RALGAPA1: variants seen among roughly 807,000 people sequenced by gnomAD.
The protein encoded by RALGAPA1 is Ral GTPase activating protein catalytic subunit alpha 1.
RALGAPA1 carries 52 observed loss-of-function variants against 269.6 expected under a neutral mutation model. That is an observed-to-expected ratio of 0.19 (90% CI 0.15 to 0.24). RALGAPA1 has a LOEUF of 0.24. RALGAPA1 is among the 10% of genes least tolerant of loss of function. RALGAPA1 has a pLI of 1.00. For synonymous variants in RALGAPA1, 817 were observed against 1,008.3 expected, an observed-to-expected ratio of 0.81 and a Z score of 3.60; for missense variants, 1,917 against 3,013.9, an observed-to-expected ratio of 0.64 and a Z score of 8.52.
chr14:35,690,672 A>C (rs1316456553), intron 17 of RALGAPA1, among the ~76,000 whole-genome samples: 5 of 152,208 alleles, frequency 3.3e-5, no homozygotes, highest in Admixed American at 6.5e-5. Flanking sequence ...CAAAAACACC[A>C]CTTAAATCTG....
At chr14:35,752,202 A>G in intron 7 of RALGAPA1, 40 bp from the exon 8 acceptor site, 1 of 1,456,452 alleles carries the variant, frequency 6.9e-7, no homozygotes, top group Non-Finnish European at 9.1e-7. Context: ...TCCAGAAGAA[A>G]GAATCTCTTA....
At chr14:35,558,962 C>T (rs1426609074) in intron 39 of RALGAPA1, among the ~76,000 whole-genome samples, 1 of 152,022 alleles carries the variant, frequency 6.6e-6, no homozygotes, top group Non-Finnish European at 1.5e-5. Flanking sequence ...CCTGATGGCC[C>T]CAAAGGTTTA....
chr14:35,807,289 A>T (rs2077445113), intron 1 of RALGAPA1, among the ~76,000 whole-genome samples: 1 of 152,156 alleles, frequency 6.6e-6, no homozygotes, highest in Non-Finnish European at 1.5e-5. Context: ...TTCTCGGCTA[A>T]ATCTTTATTT....
At chr14:35,801,716 C>G (rs988732080) in intron 1 of RALGAPA1, among the ~76,000 whole-genome samples, 3 of 151,990 alleles carry the variant, frequency 2.0e-5, no homozygotes, top group African/African-American at 7.3e-5. Context: ...TGATAGAAAC[C>G]CTCAGCCAAC....
At chr14:35,741,784 A>G (rs2071576343) in intron 11 of RALGAPA1, among the ~76,000 whole-genome samples, 1 of 152,210 alleles carries the variant, frequency 6.6e-6, no homozygotes, top group Admixed American at 6.5e-5. Context: ...GAATAAATGG[A>G]ACCCCAGGAA....
At chr14:35,797,008 C>T (rs1452404708) in intron 1 of RALGAPA1, among the ~76,000 whole-genome samples, 1 of 151,912 alleles carries the variant, frequency 6.6e-6, no homozygotes, top group Non-Finnish European at 1.5e-5. Context: ...AGGATGGTCT[C>T]GATCTCCTGA....
intron 11 of RALGAPA1, among the ~76,000 whole-genome samples, chr14:35,741,579 T>G (rs775798880): frequency 4.8e-4 from 73 of 152,154 alleles, no homozygotes; most frequent in Non-Finnish European, 7.8e-4. Context: ...GATTAACCAC[T>G]AAAGTGAATA....
intron 16 of RALGAPA1, among the ~76,000 whole-genome samples, chr14:35,701,189 A>C (rs567575963): frequency 6.6e-6 from 1 of 152,348 alleles, no homozygotes; most frequent in East Asian, 1.9e-4. Context: ...TACTCTTCCC[A>C]GAGATTTTTA....
intron 16 of RALGAPA1, among the ~76,000 whole-genome samples, chr14:35,720,191 C>G (rs1244392508): frequency 6.6e-6 from 1 of 152,132 alleles, no homozygotes; most frequent in African/African-American, 2.4e-5. Context: ...CATTTTAATA[C>G]TACAATAACT....
At chr14:35,722,814 T>G (rs1217661738) in intron 15 of RALGAPA1, among the ~76,000 whole-genome samples, 1 of 152,158 alleles carries the variant, frequency 6.6e-6, no homozygotes, top group Non-Finnish European at 1.5e-5. Context: ...ACATTTTAAA[T>G]AGAGTAACAT....
Position 35,748,644 on chromosome 14 carries a change from G to C in RALGAPA1, c.1192C>G (p.Arg398Gly), listed in dbSNP as rs368011492. Residue 398 changes from arginine (R) to glycine (G), a missense_variant, in exon 10 of 42, where the codon CGC (arginine) becomes GGC (glycine). By Grantham distance (125) the Arg-to-Gly change is moderately radical. Transcript: ENST00000680220. ...CTCCTTTTAGAAGAAAAAACTCTGCGAACTATTTCAATGTCTGTGAGATGT... is the reference window on the plus strand; with the variant it reads ...CTCCTTTTAGAAGAAAAAACTCTGCCAACTATTTCAATGTCTGTGAGATGT... ...EEHLTDIEIV[R>G]RVFSSKRSNV... 5.8e-5 allele frequency: 93 copies of C among 1,611,158 alleles called. No homozygotes were observed. The highest frequency in any genetic ancestry group is 7.1e-5 in the Non-Finnish European group (84 of 1,178,702).
chr14:35,779,868 A>G (rs923157969), intron 1 of RALGAPA1, among the ~76,000 whole-genome samples: 1 of 152,212 alleles, frequency 6.6e-6, no homozygotes, highest in Non-Finnish European at 1.5e-5. Flanking sequence ...TCACGCCTAT[A>G]ATCCCAGCAC....
intron 26 of RALGAPA1, among the ~76,000 whole-genome samples, chr14:35,665,552 G>C (rs931814012): frequency 2.0e-5 from 3 of 152,098 alleles, no homozygotes; most frequent in Non-Finnish European, 4.4e-5. Flanking sequence ...CAACCTCCAA[G>C]AGGATTTCCA....
At chr14:35,684,560 C>T (rs966836438) in intron 20 of RALGAPA1, among the ~76,000 whole-genome samples, 1 of 152,166 alleles carries the variant, frequency 6.6e-6, no homozygotes, top group Non-Finnish European at 1.5e-5. Context: ...GAAGGGATCA[C>T]ATTTTTTGTT....
rs190467866 is a variant in RALGAPA1, at chr14:35,561,290, T to G, written c.7496+9327A>C. On this transcript the variant is annotated intron_variant, in intron 39 of 41. Transcript: ENST00000680220. Reference sequence around the variant, plus strand: ...ATCAACAGGCATATACTGCCATTTTTGAAAAGAATAGCTAAATAAATTAAA... The same window carrying G: ...ATCAACAGGCATATACTGCCATTTTGGAAAAGAATAGCTAAATAAATTAAA... Among the ~76,000 whole-genome samples, 151 of 151,056 alleles carry G rather than the reference T, an allele frequency of 1.0e-3. 1 individual carries two copies. The highest frequency in any genetic ancestry group is 3.0e-3 in the African/African-American group (122 of 41,248).
At chr14:35,634,549 T>C (rs1175211119) in intron 33 of RALGAPA1, 25 bp downstream of exon 33, 2 of 1,576,590 alleles carry the variant, frequency 1.3e-6, no homozygotes, top group South Asian at 1.2e-5. Flanking sequence ...AGCAACAATA[T>C]TGTCCTGAAC....
At chr14:35,599,851 G>T (rs1438135375) in intron 36 of RALGAPA1, among the ~76,000 whole-genome samples, 3 of 152,108 alleles carry the variant, frequency 2.0e-5, no homozygotes, top group Non-Finnish European at 4.4e-5. Flanking sequence ...TAAGAAATTT[G>T]CTATCTCTTT....
chr14:35,681,836 A>T (rs553764951), intron 21 of RALGAPA1, among the ~76,000 whole-genome samples: 1 of 152,306 alleles, frequency 6.6e-6, no homozygotes, highest in Admixed American at 6.5e-5. Context: ...GTAAGTGGTG[A>T]TTTACTTTGT....
chr14:35,795,852 AT>A (rs1316245103), intron 1 of RALGAPA1, among the ~76,000 whole-genome samples: 2 of 151,228 alleles, frequency 1.3e-5, no homozygotes, highest in African/African-American at 2.4e-5. Context: ...GTGTGGTGGC[AT>A]GCACCTGTAG....
Sources: gnomAD v4.1 joint callset for allele counts (sites outside exome capture counted in the v4.1 genomes callset) on GRCh38, gnomAD v4.1.1 for gene constraint, MANE v1.5 for transcripts, NCBI Gene and HGNC (gene_info 2026-07-23, HGNC 2026-07-21) for gene names.